The following DYNC2H1 variants were observed in gnomAD, a reference collection of about 807,000 sequenced individuals.
DYNC2H1 encodes the protein cytoplasmic dynein 2 heavy chain 1.
DYNC2H1 carries 410 observed loss-of-function variants against 570.0 expected under a neutral mutation model. The ratio of observed to expected loss-of-function variants is 0.72; its 90% CI spans 0.66 to 0.78. The LOEUF is 0.78. Among genes scored for constraint, DYNC2H1 ranks in the 30% least tolerant of loss-of-function variants. DYNC2H1 has a pLI of 0.00. For synonymous variants in DYNC2H1, 1,688 were observed against 1,677.6 expected, an observed-to-expected ratio of 1.01 and a Z score of -0.15; for missense variants, 4,865 against 5,046.4, an observed-to-expected ratio of 0.96 and a Z score of 1.09.
intron 82 of DYNC2H1, among the ~76,000 whole-genome samples, chr11:103,344,628 G>T (rs1939643741): frequency 6.6e-6 from 1 of 152,066 alleles, no homozygotes; most frequent in Non-Finnish European, 1.5e-5. Context: ...GACTGTTTTT[G>T]AGCATTTGTA....
chr11:103,468,431 C>A, intron 87 of DYNC2H1, 158 bp from the exon 88 acceptor site: 2 of 545,240 alleles, frequency 3.7e-6, no homozygotes, highest in Admixed American at 3.2e-5. Flanking sequence ...CTAGTCCAGG[C>A]CTTACTGACT....
chr11:103,294,869 T>C (rs1001603697), intron 75 of DYNC2H1, among the ~76,000 whole-genome samples: 1 of 152,194 alleles, frequency 6.6e-6, no homozygotes, highest in African/African-American at 2.4e-5. Context: ...ATCATAGGCT[T>C]CAGGAATCTT....
Position 103,321,183 on chromosome 11 carries a change from C to G in DYNC2H1, c.11880C>G (p.Asn3960Lys), listed in dbSNP as rs1156246825. The G allele has an allele frequency of 6.2e-7, 1 of 1,611,698 alleles. No individual in the cohort carries two copies. Reference sequence around the variant, plus strand: ...TTATTGATGTATTCAACCAAAGGAACAAGAAAAGCATTTTTCCATATTCCG... The same window carrying G: ...TTATTGATGTATTCAACCAAAGGAAGAAGAAAAGCATTTTTCCATATTCCG... ...SSVIDVFNQR[N>K]KKSIFPYSVS... The change falls in exon 81 of 89, where the codon AAC becomes AAG. Residue 3960 changes from asparagine to lysine, a missense_variant. Around this residue, in one of 5 missense-constraint regions of DYNC2H1, gnomAD observed 2,401 missense variants for 2,454.6 expected, o/e 0.98. Coordinates refer to ENST00000375735, the MANE Select transcript of DYNC2H1 (RefSeq NM_001377.3).
In DYNC2H1 at chr11:103,326,711, T is replaced by C. The variant is rs879582653; in HGVS notation, c.12039+2721T>C. On this transcript the variant is annotated intron_variant, in intron 82 of 88. Transcript: ENST00000375735. The surrounding 1 kb of genome is among the most constrained non-coding windows in gnomAD (Gnocchi z 6.1). Reference sequence around the variant, plus strand: ...GCGTTGTGCACACGATCCTGCGGGGTGGCTATGGAGGGGCTCGGCAGTGGG... The same window carrying C: ...GCGTTGTGCACACGATCCTGCGGGGCGGCTATGGAGGGGCTCGGCAGTGGG... Among the ~76,000 whole-genome samples, 2 of 152,024 alleles carry C rather than the reference T, an allele frequency of 1.3e-5. No homozygotes were observed. The highest frequency in any genetic ancestry group is 2.9e-5 in the Non-Finnish European group (2 of 68,002).
At position 103,157,030 on chromosome 11, in the gene DYNC2H1, A is replaced by G. The variant is rs1027019793; in HGVS notation, c.4127+260A>G. ...AAAATCACTAATTACTTTCTCTTTT[A>G]AATTCAAAAGGCATTTTCAATTTTT... is the stretch of plus-strand genomic sequence containing the variant. On this transcript the variant is annotated intron_variant, in intron 26 of 88. Transcript: ENST00000375735. This position sits in a 1 kb window ranked among gnomAD's most constrained non-coding sequence, Gnocchi z 4.2. 2.6e-5 allele frequency among the ~76,000 whole-genome samples: 4 copies of G among 152,168 alleles called. No individual in the cohort carries two copies. Among genetic ancestry groups the G allele is most frequent in the African/African-American group, 9.7e-5 (4 of 41,446 alleles).
At chr11:103,236,361 G>A in intron 62 of DYNC2H1, 69 bp from the exon 63 acceptor site, 2 of 964,252 alleles carry the variant, frequency 2.1e-6, no homozygotes, top group Non-Finnish European at 3.4e-6. Flanking sequence ...GGAATAAATA[G>A]CTTTATTTCC....
Position 103,154,536 on chromosome 11 carries a change from A to T in DYNC2H1, c.3388A>T (p.Ile1130Phe), listed in dbSNP as rs1290491490. Residue 1130 changes from isoleucine (I) to phenylalanine (F), a missense_variant, in exon 23 of 89, where the codon ATT (isoleucine) becomes TTT (phenylalanine). Around this residue, in one of 5 missense-constraint regions of DYNC2H1, gnomAD observed 1,936 missense variants for 1,962.1 expected, o/e 0.99. Transcript: ENST00000375735. ...TAAAGATATCGAGAGCTGTGCCCAA[A>T]TTTGGGCCTTTTATGAAGAGTTTCA... ...ISKDIESCAQ[I>F]WAFYEEFQQG... The T allele has an allele frequency of 6.3e-7, 1 of 1,592,340 alleles. No homozygotes were observed. Among genetic ancestry groups the T allele is most frequent in the African/African-American group, 1.3e-5 (1 of 74,630 alleles).
Position 103,316,154 on chromosome 11 carries a change from C to A in DYNC2H1, c.11650-391C>A, listed in dbSNP as rs535559202. ...ATATGAATGAATATACTGCTATAAGCTTTTGGGCCTTTTTTTGTGCAGTAT... is the reference window on the plus strand; with the variant it reads ...ATATGAATGAATATACTGCTATAAGATTTTGGGCCTTTTTTTGTGCAGTAT... On this transcript the variant is annotated intron_variant, in intron 79 of 88. Transcript: ENST00000375735. Among the ~76,000 whole-genome samples the A allele has an allele frequency of 6.3e-4, 95 of 151,708 alleles. No homozygotes were observed. The Middle Eastern group carries it at 0.01, about 16-fold the overall frequency.
rs560683432 is a variant in DYNC2H1, at chr11:103,304,217, A to G, written c.11257-378A>G. Among the ~76,000 whole-genome samples, 13 of 152,174 alleles carry G rather than the reference A, an allele frequency of 8.5e-5. 1 individual carries two copies. In the South Asian group the frequency reaches 2.1e-3, roughly 24 times the overall value. On this transcript the variant is annotated intron_variant, in intron 76 of 88. Coordinates refer to ENST00000375735, the MANE Select transcript of DYNC2H1 (RefSeq NM_001377.3). ...CTACAAAGAAAAATATAAATGAAAGATAGCAAAATAGCAGCGCTGTTAGGC... is the reference window on the plus strand; with the variant it reads ...CTACAAAGAAAAATATAAATGAAAGGTAGCAAAATAGCAGCGCTGTTAGGC...
At chr11:103,202,958 C>T (rs527759027) in intron 50 of DYNC2H1, among the ~76,000 whole-genome samples, 5 of 152,150 alleles carry the variant, frequency 3.3e-5, no homozygotes, top group Admixed American at 3.3e-4. Context: ...ATGATTTGGC[C>T]TGCATAGTAG....
chr11:103,128,333 G>A (rs1352038160), intron 12 of DYNC2H1, among the ~76,000 whole-genome samples: 1 of 152,200 alleles, frequency 6.6e-6, no homozygotes, highest in Non-Finnish European at 1.5e-5. Context: ...GAAGCAGAGA[G>A]ACCAGTTAGG....
intron 84 of DYNC2H1, among the ~76,000 whole-genome samples, chr11:103,413,583 G>C (rs1264011660): frequency 6.6e-6 from 1 of 151,996 alleles, no homozygotes. Context: ...TAAATATTTT[G>C]CTAGATCAAG....
intron 83 of DYNC2H1, among the ~76,000 whole-genome samples, chr11:103,362,333 CT>C (rs1230736946): frequency 3.9e-3 from 99 of 25,168 alleles, no homozygotes; most frequent in East Asian, 0.021. Context: ...TTTTTTTTTT[CT>C]TTTTTTTTTT....
rs901069267 is a variant in DYNC2H1 at position 103,261,690 on chromosome 11, G to A, written c.10695+1713G>A. On this transcript the variant is annotated intron_variant, in intron 70 of 88. Transcript: ENST00000375735. This position sits in a 1 kb window ranked among gnomAD's most constrained non-coding sequence, Gnocchi z 4.8. ...GGACATCTATACAAAAACCCCATCC[G>A]AAGGTCACCAAGATCAAAGACCAAA... Among the ~76,000 whole-genome samples, 4 of 152,172 alleles carry A rather than the reference G, an allele frequency of 2.6e-5. No homozygotes were observed. The highest frequency in any genetic ancestry group is 2.0e-4 in the Admixed American group (3 of 15,270).
chr11:103,297,055 A>T (rs965143640), intron 75 of DYNC2H1, among the ~76,000 whole-genome samples: 4 of 152,066 alleles, frequency 2.6e-5, no homozygotes, highest in African/African-American at 9.7e-5. Context: ...TTCTCTCTGT[A>T]GGTGACCTTA....
chr11:103,395,816 C>G lies in DYNC2H1; in HGVS notation c.12157-3847C>G, dbSNP rs1942376320. Among the ~76,000 whole-genome samples the G allele has an allele frequency of 6.6e-6, 1 of 152,050 alleles. No homozygotes were observed. The highest frequency in any genetic ancestry group is 2.4e-5 in the African/African-American group (1 of 41,394). On this transcript the variant is annotated intron_variant, in intron 83 of 88. Coordinates refer to ENST00000375735, the MANE Select transcript of DYNC2H1 (RefSeq NM_001377.3). This position sits in a 1 kb window ranked among gnomAD's most constrained non-coding sequence, Gnocchi z 4.3. ...ATCAACTCTTCCAGAACTCTGTGGA[C>G]TAAGACTTGGGAAAGGCTTCTGCCC...
chr11:103,199,385 C>G lies in DYNC2H1; in HGVS notation c.7997C>G (p.Ser2666Cys), dbSNP rs1404627606. The change falls in exon 49 of 89, where the codon TCT becomes TGT. Residue 2666 changes from serine (S) to cysteine (C), a missense_variant. Around this residue, in one of 5 missense-constraint regions of DYNC2H1, gnomAD observed 2,401 missense variants for 2,454.6 expected, o/e 0.98. Transcript: ENST00000375735. The surrounding 1 kb of genome is among the most constrained non-coding windows in gnomAD (Gnocchi z 4.6). ...RSGVGRRTIT[S>C]LVSHMHGAVL... ...GGTGTAGGTCGTCGGACCATCACTTCTTTAGTCAGTCACATGCATGGAGCG... is the reference window on the plus strand; with the variant it reads ...GGTGTAGGTCGTCGGACCATCACTTGTTTAGTCAGTCACATGCATGGAGCG... 1 of 1,610,282 alleles carries G rather than the reference C, an allele frequency of 6.2e-7. No individual in the cohort carries two copies. Among genetic ancestry groups the G allele is most frequent in the African/African-American group, 1.3e-5 (1 of 74,292 alleles).
chr11:103,151,518 T>C lies in DYNC2H1; in HGVS notation c.2947-618T>C, dbSNP rs1381213993. On this transcript the variant is annotated intron_variant, in intron 20 of 88. Transcript: ENST00000375735. The surrounding 1 kb of genome is among the most constrained non-coding windows in gnomAD (Gnocchi z 4.6). ...AGATATTAATTATAGGATACTGTTG[T>C]TTTACAGAGCTTTAAAAGCCTTAGA... Among the ~76,000 whole-genome samples the C allele has an allele frequency of 1.3e-5, 2 of 152,148 alleles. No homozygotes were observed. The highest frequency in any genetic ancestry group is 3.8e-4 in the East Asian group (2 of 5,200).
Position 103,212,257 on chromosome 11 carries a change from A to T in DYNC2H1, c.8694+314A>T, listed in dbSNP as rs150084588. ...TTTTAGAAATTAAGAAAACTCTGTT[A>T]TTCAGCATAAGATGATACAGTGGAC... On this transcript the variant is annotated intron_variant, in intron 54 of 88. Transcript: ENST00000375735. Among the ~76,000 whole-genome samples, 7 of 152,156 alleles carry T rather than the reference A, an allele frequency of 4.6e-5. No individual in the cohort carries two copies. In the East Asian group the frequency reaches 1.2e-3, roughly 25 times the overall value.
Sources: gnomAD v4.1 joint callset for allele counts (sites outside exome capture counted in the v4.1 genomes callset) on GRCh38, gnomAD v4.1.1 for gene constraint, gnomAD v4.1.1 regional missense constraint, Gnocchi (gnomAD v3.1) non-coding constraint, MANE v1.5 for transcripts, NCBI Gene and HGNC (gene_info 2026-07-23, HGNC 2026-07-21) for gene names.